NCKAP5: variants seen among roughly 807,000 people sequenced by gnomAD.
NCKAP5 encodes the protein nck-associated protein 5.
A neutral mutation model predicts 167.0 loss-of-function variants in NCKAP5; 92 were observed. The ratio of observed to expected loss-of-function variants is 0.55; its 90% confidence interval spans 0.47 to 0.66. NCKAP5 has a LOEUF of 0.66. Among genes scored for constraint, NCKAP5 ranks in the 30% least tolerant of loss-of-function variants. NCKAP5 has a pLI of 0.00. For missense variants in NCKAP5, 2,378 were observed against 2,315.0 expected (o/e 1.03, Z -0.56); for synonymous variants, 891 against 877.4 (o/e 1.02, Z -0.27).
intron 9 of NCKAP5, among the ~76,000 whole-genome samples, chr2:132,878,153 G>A (rs1400351770): frequency 6.6e-6 from 1 of 152,190 alleles, no homozygotes; most frequent in Non-Finnish European, 1.5e-5. Flanking sequence ...GGTGACAGCG[G>A]GGGAGGACGA....
chr2:133,439,409 A>G (rs1375492356), intron 3 of NCKAP5, among the ~76,000 whole-genome samples: 1 of 152,214 alleles, frequency 6.6e-6, no homozygotes, highest in East Asian at 1.9e-4. Context: ...AAGCTTGAAA[A>G]AGATGTCGGG....
chr2:132,772,518 A>T (rs1682169459), intron 16 of NCKAP5, among the ~76,000 whole-genome samples: 1 of 152,120 alleles, frequency 6.6e-6, no homozygotes, highest in Non-Finnish European at 1.5e-5. Flanking sequence ...GCCCAAGAAC[A>T]CCTCGTTATA....
intron 6 of NCKAP5, among the ~76,000 whole-genome samples, chr2:133,019,749 A>G (rs1166365048): frequency 6.6e-6 from 1 of 152,242 alleles, no homozygotes; most frequent in Non-Finnish European, 1.5e-5. Context: ...GAACCTTAAG[A>G]TTTGAAAATG....
intron 6 of NCKAP5, among the ~76,000 whole-genome samples, chr2:133,019,163 C>A (rs1475220633): frequency 6.6e-6 from 1 of 152,204 alleles, no homozygotes; most frequent in Non-Finnish European, 1.5e-5. Flanking sequence ...GAATAACTTA[C>A]TAAGTTGCTA....
intron 2 of NCKAP5, among the ~76,000 whole-genome samples, chr2:133,552,079 A>T (rs1687360181): frequency 9.0e-6 from 1 of 111,134 alleles, no homozygotes; most frequent in Admixed American, 8.8e-5. Flanking sequence ...GGCGATCATT[A>T]AAAAGTCAGG....
intron 6 of NCKAP5, among the ~76,000 whole-genome samples, chr2:133,102,280 G>A (rs773133705): frequency 4.6e-5 from 7 of 152,052 alleles, no homozygotes; most frequent in East Asian, 1.9e-4. Context: ...CCGAGTAGCC[G>A]GGACTATAGG....
At chr2:132,680,993 G>T (rs1685152238) in intron 19 of NCKAP5, among the ~76,000 whole-genome samples, 1 of 152,060 alleles carries the variant, frequency 6.6e-6, no homozygotes. Context: ...TTGATGAGTT[G>T]TGGTCAATTT....
intron 5 of NCKAP5, among the ~76,000 whole-genome samples, chr2:133,147,451 T>C (rs796994798): frequency 1.3e-5 from 2 of 152,300 alleles, no homozygotes; most frequent in African/African-American, 4.8e-5. Flanking sequence ...AGGGCATTCA[T>C]ATCGCTAATA....
At chr2:133,439,880 T>C (rs935687900) in intron 3 of NCKAP5, among the ~76,000 whole-genome samples, 2 of 152,164 alleles carry the variant, frequency 1.3e-5, no homozygotes, top group African/African-American at 4.8e-5. Flanking sequence ...ACAAGTAAAT[T>C]AGCACAATTA....
intron 3 of NCKAP5, among the ~76,000 whole-genome samples, chr2:133,440,709 C>CCA (rs1491470687): frequency 3.1e-5 from 1 of 32,662 alleles, no homozygotes; most frequent in African/African-American, 1.0e-4. Flanking sequence ...GACTCTGTCT[C>CCA]AAAAAAAAAA....
intron 3 of NCKAP5, among the ~76,000 whole-genome samples, chr2:133,509,284 C>T (rs1048417907): frequency 7.9e-5 from 12 of 152,218 alleles, no homozygotes; most frequent in Non-Finnish European, 1.3e-4. Flanking sequence ...TAAATCTCCC[C>T]TATCAAGCAC....
chr2:133,607,465 T>C, the NCKAP5 span, among the ~76,000 whole-genome samples: 2 of 152,170 alleles, frequency 1.3e-5, no homozygotes, highest in Non-Finnish European at 2.9e-5. Context: ...AAATTGACTC[T>C]CACTCAAGAA....
At chr2:133,543,591 C>T (rs929755825) in intron 2 of NCKAP5, among the ~76,000 whole-genome samples, 3 of 152,166 alleles carry the variant, frequency 2.0e-5, no homozygotes, top group Non-Finnish European at 4.4e-5. Flanking sequence ...TTCATCAGCA[C>T]CAAAACCTCT....
intron 6 of NCKAP5, among the ~76,000 whole-genome samples, chr2:133,075,654 T>C (rs1400634142): frequency 6.6e-6 from 1 of 152,172 alleles, no homozygotes; most frequent in African/African-American, 2.4e-5. Flanking sequence ...AAGTAGACCA[T>C]GAAAAATTAG....
chr2:132,681,684 G>A (rs1349852026), intron 19 of NCKAP5, among the ~76,000 whole-genome samples: 1 of 152,084 alleles, frequency 6.6e-6, no homozygotes, highest in Non-Finnish European at 1.5e-5. Context: ...GAGATGGGTG[G>A]ACATCATAGA....
chr2:133,672,703 G>T, the NCKAP5 span, among the ~76,000 whole-genome samples: 2 of 152,090 alleles, frequency 1.3e-5, no homozygotes, highest in African/African-American at 4.8e-5. Flanking sequence ...TGAACAAATG[G>T]GTGTGGCTCT....
At chr2:132,795,636 T>C (rs1182470447) in intron 12 of NCKAP5, among the ~76,000 whole-genome samples, 3 of 151,916 alleles carry the variant, frequency 2.0e-5, no homozygotes, top group African/African-American at 4.8e-5. Context: ...CTGACTAACA[T>C]GGTGAAACCC....
intron 3 of NCKAP5, among the ~76,000 whole-genome samples, chr2:133,401,070 T>C (rs1688066746): frequency 6.6e-6 from 1 of 151,914 alleles, no homozygotes; most frequent in Non-Finnish European, 1.5e-5. Flanking sequence ...AATTAGAGGG[T>C]TGGGAGGTGA....
At chr2:133,422,555 G>T (rs540107114) in intron 3 of NCKAP5, among the ~76,000 whole-genome samples, 2 of 152,234 alleles carry the variant, frequency 1.3e-5, no homozygotes, top group East Asian at 3.9e-4. Flanking sequence ...AAGAATTCAG[G>T]TCACAGAGTA....
Sources: allele counts gnomAD v4.1 joint callset (sites outside exome capture counted in the v4.1 genomes callset), GRCh38; gene constraint gnomAD v4.1.1; transcripts MANE v1.5; gene names NCBI Gene and HGNC (gene_info 2026-07-23, HGNC 2026-07-21).